CFAP92: variants seen among roughly 807,000 people sequenced by gnomAD.
The protein encoded by CFAP92 is uncharacterized protein CFAP92.
CFAP92 carries 86 observed loss-of-function variants against 106.3 expected under a neutral mutation model. That is an observed-to-expected ratio of 0.81 (90% CI 0.68 to 0.97). The LOEUF (loss-of-function observed/expected upper bound fraction) is 0.97, where lower values mean the gene tolerates loss of function less well. Among genes scored for constraint, CFAP92 ranks in the 50% least tolerant of loss-of-function variants. The probability of loss-of-function intolerance (pLI) is 0.00; values close to 1 mark genes in which losing one functional copy is unlikely to be tolerated. For missense variants in CFAP92, 1,204 were observed against 1,283.8 expected (o/e 0.94, Z 0.95); for synonymous variants, 477 against 506.4 (o/e 0.94, Z 0.78).
intron 10 of CFAP92, among the ~76,000 whole-genome samples, chr3:128,937,225 CT>C (rs1408782229): frequency 3.3e-5 from 5 of 150,126 alleles, no homozygotes; most frequent in African/African-American, 1.2e-4. Context: ...GGCTTGACCC[CT>C]GGAGGTAGAG....
intron 10 of CFAP92, among the ~76,000 whole-genome samples, chr3:128,941,050 T>C (rs1253451249): frequency 6.6e-6 from 1 of 152,178 alleles, no homozygotes; most frequent in Non-Finnish European, 1.5e-5. Context: ...TTCATGAACA[T>C]GGTATCTCTC....
intron 3 of CFAP92, among the ~76,000 whole-genome samples, chr3:128,988,278 C>T (rs1428419306): frequency 2.0e-5 from 3 of 152,168 alleles, no homozygotes; most frequent in Non-Finnish European, 2.9e-5. Context: ...CGGTGGCTCA[C>T]GCCTGTAATC....
intron 12 of CFAP92, among the ~76,000 whole-genome samples, chr3:128,922,353 AAAATTC>A (rs1482863227): frequency 1.3e-5 from 2 of 152,174 alleles, no homozygotes; most frequent in African/African-American, 4.8e-5. Flanking sequence ...AAAAAAAAAA[AAAATTC>A]AATTAGTTAT....
intron 12 of CFAP92, among the ~76,000 whole-genome samples, chr3:128,918,262 A>T (rs573484778): frequency 2.0e-5 from 3 of 152,310 alleles, no homozygotes; most frequent in African/African-American, 7.2e-5. Context: ...CTGAGGTCAG[A>T]AGTTCAAGAC....
chr3:128,977,133 CT>C (rs777337922), intron 5 of CFAP92, 67 bp from the exon 6 acceptor site: 1 of 1,267,748 alleles, frequency 7.9e-7, no homozygotes, highest in Non-Finnish European at 1.1e-6. Context: ...ATGAGGGCCC[CT>C]GACCCATTTC....
chr3:128,928,566 C>A (rs1209576843), intron 12 of CFAP92, among the ~76,000 whole-genome samples: 1 of 152,100 alleles, frequency 6.6e-6, no homozygotes, highest in Non-Finnish European at 1.5e-5. Context: ...GGGGGAATAG[C>A]TAGTCTTTGC....
intron 1 of CFAP92, chr3:129,002,023 C>G: frequency 6.5e-7 from 1 of 1,544,668 alleles, no homozygotes; most frequent in East Asian, 2.5e-5. Flanking sequence ...GCGCGCCTGG[C>G]GCTGCGCGCC....
At chr3:129,004,149 A>G, upstream of CFAP92, 2 of 1,375,130 alleles carry the variant, frequency 1.5e-6, no homozygotes. Flanking sequence ...TCGGGTGTGC[A>G]ATCCCCCTCC....
intron 9 of CFAP92, among the ~76,000 whole-genome samples, chr3:128,951,260 G>C (rs1353028631): frequency 6.6e-6 from 1 of 151,934 alleles, no homozygotes; most frequent in Admixed American, 6.6e-5. Context: ...GAAAGCCCAG[G>C]AGAGTCAGCA....
chr3:129,003,736 C>A (rs1471307861), upstream of CFAP92: 2 of 1,294,386 alleles, frequency 1.5e-6, no homozygotes, highest in East Asian at 3.4e-5. Flanking sequence ...GGCGGGCGTT[C>A]GTCTGGTGCA....
chr3:128,991,783 C>T lies in CFAP92; in HGVS notation c.262+1260G>A, dbSNP rs1944233699. Reference sequence around the variant, plus strand: ...TCGGGGTTCCAACCCATACAAGAAACTTACACCATCGACAGAATACCAGGA... The same window carrying T: ...TCGGGGTTCCAACCCATACAAGAAATTTACACCATCGACAGAATACCAGGA... On this transcript the variant is annotated intron_variant, in intron 2 of 15. Transcript: ENST00000645291. 6 of 994,838 alleles carry T rather than the reference C, an allele frequency of 6.0e-6. No individual in the cohort carries two copies. In the South Asian group the frequency reaches 2.1e-4, roughly 35 times the overall value. 61.6% of individuals were successfully genotyped at this position (994,838 alleles called of 1,614,324 possible).
intron 8 of CFAP92, chr3:128,969,897 G>A (rs1301062538): frequency 6.6e-6 from 1 of 152,202 alleles, no homozygotes; most frequent in Non-Finnish European, 1.5e-5. Context: ...CTGATGCTAC[G>A]AGAAAGTGAA....
At chr3:128,937,540 C>CG (rs1939170721) in intron 10 of CFAP92, among the ~76,000 whole-genome samples, 1 of 151,372 alleles carries the variant, frequency 6.6e-6, no homozygotes, top group Admixed American at 6.6e-5. Context: ...GCGGAGCTTG[C>CG]GGTGGGTGAG....
chr3:128,955,937 G>A (rs374463948), intron 9 of CFAP92, among the ~76,000 whole-genome samples: 7 of 50,886 alleles, frequency 1.4e-4, no homozygotes, highest in Admixed American at 2.1e-4. Flanking sequence ...GATTAAGGGC[G>A]GTGCAAGATG....
intron 10 of CFAP92, among the ~76,000 whole-genome samples, chr3:128,935,790 G>A (rs905629537): frequency 6.6e-6 from 1 of 152,162 alleles, no homozygotes; most frequent in African/African-American, 2.4e-5. Context: ...CTGTACTCTA[G>A]CCCGGACAAC....
At chr3:128,944,699 G>C (rs899161629) in intron 10 of CFAP92, among the ~76,000 whole-genome samples, 4 of 152,272 alleles carry the variant, frequency 2.6e-5, no homozygotes, top group Non-Finnish European at 5.9e-5. Flanking sequence ...GGCCTTCAGG[G>C]AAGGGCAATT....
At chr3:128,956,259 A>G (rs931172295) in intron 9 of CFAP92, among the ~76,000 whole-genome samples, 3 of 150,194 alleles carry the variant, frequency 2.0e-5, no homozygotes, top group Non-Finnish European at 3.0e-5. Flanking sequence ...AAATTACCCA[A>G]TCTGAACAAC....
rs1231757273 is a variant in CFAP92 at position 128,956,187 on chromosome 3, AAAAAAAAAT to A, written c.1353+9315_1353+9323del. ...AATTATCAATAAAAAAATAAATTAA[AAAAAAAAAT>A]AAAAAAAAAATAAAAAAATAAAAAA... On this transcript the variant is annotated intron_variant, in intron 9 of 15. Coordinates refer to ENST00000645291, the MANE Select transcript of CFAP92 (RefSeq NM_001394090.1). Among the ~76,000 whole-genome samples, 260 of 98,812 alleles carry A rather than the reference AAAAAAAAAT, an allele frequency of 2.6e-3. 3 individuals carry two copies. The highest frequency in any genetic ancestry group is 0.02 in the African/African-American group (251 of 12,368). 64.8% of individuals were successfully genotyped at this position (98,812 alleles called of 152,430 possible). A position where few individuals can be genotyped will look rare whatever the true frequency, so the allele number is the denominator to read the frequency against.
intron 10 of CFAP92, among the ~76,000 whole-genome samples, chr3:128,940,290 G>A (rs1939496308): frequency 6.6e-6 from 1 of 152,106 alleles, no homozygotes; most frequent in Admixed American, 6.6e-5. Flanking sequence ...TACACTAATT[G>A]GCGATAATCC....
Sources: gnomAD v4.1 joint callset for allele counts (sites outside exome capture counted in the v4.1 genomes callset) on GRCh38, gnomAD v4.1.1 for gene constraint, MANE v1.5 for transcripts, NCBI Gene and HGNC (gene_info 2026-07-23, HGNC 2026-07-21) for gene names.